Variants in UBE4B observed in about 807,000 individuals in gnomAD.
The protein encoded by UBE4B is ubiquitin conjugation factor E4 B.
Under a neutral mutation model 148.1 loss-of-function variants are expected in UBE4B, and 27 were observed. The ratio of observed to expected loss-of-function variants is 0.18; its 90% CI spans 0.13 to 0.25. UBE4B has a LOEUF of 0.25. Among genes scored for constraint, UBE4B ranks in the 10% least tolerant of loss-of-function variants. UBE4B has a pLI of 1.00. For missense variants in UBE4B, 1,170 were observed against 1,662.4 expected (o/e 0.70, Z 5.15); for synonymous variants, 596 against 619.3 (o/e 0.96, Z 0.56).
rs546916946 is a variant in UBE4B at position 10,087,554 on chromosome 1, A to G, written c.212-7907A>G. 3.3e-5 allele frequency among the ~76,000 whole-genome samples: 5 copies of G among 152,326 alleles called. No homozygotes were observed. The East Asian group carries it at 9.6e-4, about 29-fold the overall frequency. ...AGAATACTAGTCATTACTTTGTAGA[A>G]TGTCCCTTAATTTGGCTTTGTCTGG... On this transcript the variant is annotated intron_variant, in intron 2 of 27. Coordinates refer to ENST00000343090, the MANE Select transcript of UBE4B (RefSeq NM_001105562.3).
At chr1:10,172,760 CA>C (rs1474775361) in intron 25 of UBE4B, among the ~76,000 whole-genome samples, 1 of 152,084 alleles carries the variant, frequency 6.6e-6, no homozygotes, top group Admixed American at 6.6e-5. Flanking sequence ...TCTGATGTAG[CA>C]GGGGAAGTGG....
chr1:10,153,215 G>T (rs912120306), intron 21 of UBE4B, among the ~76,000 whole-genome samples: 1 of 151,986 alleles, frequency 6.6e-6, no homozygotes, highest in Non-Finnish European at 1.5e-5. Flanking sequence ...ACTACAAAGA[G>T]TGCATGTGGG....
intron 2 of UBE4B, among the ~76,000 whole-genome samples, chr1:10,073,676 C>T (rs1338211534): frequency 1.3e-5 from 2 of 151,996 alleles, no homozygotes; most frequent in African/African-American, 4.8e-5. Flanking sequence ...GCCAAGATTG[C>T]GCTACTGCAC....
At chr1:10,129,892 A>G (rs1465069636) in intron 12 of UBE4B, among the ~76,000 whole-genome samples, 1 of 152,080 alleles carries the variant, frequency 6.6e-6, no homozygotes, top group East Asian at 1.9e-4. Context: ...ACCTCAGGTG[A>G]TCCACCCGCC....
intron 1 of UBE4B, among the ~76,000 whole-genome samples, chr1:10,063,811 G>C (rs1373622529): frequency 6.6e-6 from 1 of 151,950 alleles, no homozygotes; most frequent in Non-Finnish European, 1.5e-5. Flanking sequence ...AGGAGGCTGA[G>C]GCAGGAGAAT....
chr1:10,129,274 A>C (rs547426509), intron 11 of UBE4B, 118 bp from the exon 12 acceptor site: 3 of 750,236 alleles, frequency 4.0e-6, no homozygotes, highest in East Asian at 5.2e-5. Flanking sequence ...GAGGGAATGC[A>C]TGTGTGCCAT....
At chr1:10,056,615 T>C (rs1258098135) in intron 1 of UBE4B, among the ~76,000 whole-genome samples, 2 of 152,324 alleles carry the variant, frequency 1.3e-5, no homozygotes, top group South Asian at 4.1e-4. Flanking sequence ...GACTATTTTA[T>C]AAGATAAGAA....
intron 1 of UBE4B, among the ~76,000 whole-genome samples, chr1:10,047,072 G>A (rs1411602442): frequency 1.3e-5 from 2 of 152,122 alleles, no homozygotes; most frequent in African/African-American, 4.8e-5. Context: ...ATCTCTGAGG[G>A]TTGCCATTCT....
intron 26 of UBE4B, 200 bp from the exon 27 acceptor site, chr1:10,179,214 GAC>G (rs1232110372): frequency 9.8e-6 from 6 of 614,188 alleles, no homozygotes; most frequent in Non-Finnish European, 1.6e-5. Flanking sequence ...AGCAGTAGCT[GAC>G]AAAGAAGCGC....
rs764089127 is a variant in UBE4B, at chr1:10,161,999, C to CTTTTTTTTTTTTTTTTT, written c.3198+729_3198+730insTTTTTTTTTTTTTTTTT. 7.3e-6 allele frequency among the ~76,000 whole-genome samples: 1 copy of CTTTTTTTTTTTTTTTTT among 137,262 alleles called. No individual in the cohort carries two copies. The highest frequency in any genetic ancestry group is 1.6e-5 in the Non-Finnish European group (1 of 62,932). 90.0% of individuals were successfully genotyped at this position (137,262 alleles called of 152,430 possible). On this transcript the variant is annotated intron_variant, in intron 23 of 27. Transcript: ENST00000343090. This position sits in a 1 kb window ranked among gnomAD's most constrained non-coding sequence, Gnocchi z 4.1. ...GGGGACTGCTTTTTCTTCACTTTTTCTTTTTTTTTTTTTTTTGAGACGGAG... is the reference window on the plus strand; with the variant it reads ...GGGGACTGCTTTTTCTTCACTTTTTCTTTTTTTTTTTTTTTTTTTTTTTTTTTTTTTTTGAGACGGAG...
At chr1:10,111,755 A>G (rs1645225909) in intron 7 of UBE4B, among the ~76,000 whole-genome samples, 1 of 152,134 alleles carries the variant, frequency 6.6e-6, no homozygotes, top group African/African-American at 2.4e-5. Flanking sequence ...TCAGGAGTTC[A>G]AGACAAGCCT....
At chr1:10,082,743 A>G (rs1483223978) in intron 2 of UBE4B, among the ~76,000 whole-genome samples, 1 of 150,230 alleles carries the variant, frequency 6.7e-6, no homozygotes, top group Non-Finnish European at 1.5e-5. Flanking sequence ...GCACCTATCA[A>G]CTCATCATCT....
chr1:10,173,135 T>C (rs1646361923), intron 25 of UBE4B, among the ~76,000 whole-genome samples: 1 of 152,140 alleles, frequency 6.6e-6, no homozygotes, highest in Non-Finnish European at 1.5e-5. Context: ...TCATACAAAG[T>C]AGTGGCTCGT....
chr1:10,056,863 G>A (rs1262158216), intron 1 of UBE4B, among the ~76,000 whole-genome samples: 3 of 152,158 alleles, frequency 2.0e-5, no homozygotes, highest in Non-Finnish European at 4.4e-5. Context: ...GCCTCACTCT[G>A]CCACCCAGGC....
chr1:10,103,847 C>T (rs1159999234), intron 5 of UBE4B, among the ~76,000 whole-genome samples: 1 of 152,068 alleles, frequency 6.6e-6, no homozygotes, highest in Non-Finnish European at 1.5e-5. Flanking sequence ...AGGACGGTCT[C>T]GATCTCCTGA....
intron 1 of UBE4B, among the ~76,000 whole-genome samples, chr1:10,052,301 G>A (rs1428395208): frequency 6.6e-6 from 1 of 151,760 alleles, no homozygotes; most frequent in Non-Finnish European, 1.5e-5. Flanking sequence ...TGAACTCCTG[G>A]GCTCAAATGA....
chr1:10,076,273 C>T (rs1644579203), intron 2 of UBE4B, among the ~76,000 whole-genome samples: 1 of 142,786 alleles, frequency 7.0e-6, no homozygotes, highest in South Asian at 2.2e-4. Flanking sequence ...TTGAGACAGT[C>T]TCACTCTGTT....
At chr1:10,092,246 A>G (rs1457213220) in intron 2 of UBE4B, among the ~76,000 whole-genome samples, 1 of 151,842 alleles carries the variant, frequency 6.6e-6, no homozygotes, top group Non-Finnish European at 1.5e-5. Context: ...TGTTTTTGAG[A>G]CAGAATCTTG....
At chr1:10,131,016 T>C (rs1645584301) in intron 14 of UBE4B, among the ~76,000 whole-genome samples, 1 of 152,230 alleles carries the variant, frequency 6.6e-6, no homozygotes, top group Non-Finnish European at 1.5e-5. Context: ...TGCCTTTGTA[T>C]GTAGCATCAC....
Sources: allele counts gnomAD v4.1 joint callset (sites outside exome capture counted in the v4.1 genomes callset), GRCh38; gene constraint gnomAD v4.1.1; non-coding constraint Gnocchi (gnomAD v3.1); transcripts MANE v1.5; gene names NCBI Gene and HGNC (gene_info 2026-07-23, HGNC 2026-07-21).